Variants in PRKCE observed in about 807,000 individuals in gnomAD.
PRKCE encodes the protein protein kinase C epsilon.
In PRKCE, 16 loss-of-function variants were observed where a neutral mutation model predicts 85.4. That is an observed-to-expected ratio of 0.19 (90% CI 0.13 to 0.28). The LOEUF (loss-of-function observed/expected upper bound fraction) is 0.28. PRKCE is among the 10% of genes least tolerant of loss of function. The pLI is 1.00. For missense variants in PRKCE, 573 were observed against 975.2 expected (o/e 0.59, Z 5.49); for synonymous variants, 388 against 371.5 (o/e 1.04, Z -0.51).
At chr2:46,000,096 G>A (rs907636469) in intron 6 of PRKCE, among the ~76,000 whole-genome samples, 12 of 151,412 alleles carry the variant, frequency 7.9e-5, no homozygotes, top group Non-Finnish European at 1.6e-4. Flanking sequence ...CTATATCTGA[G>A]TCTAGTTCTG....
intron 2 of PRKCE, among the ~76,000 whole-genome samples, chr2:45,860,685 A>C (rs1693085643): frequency 6.6e-6 from 1 of 152,144 alleles, no homozygotes; most frequent in African/African-American, 2.4e-5. Context: ...GGACAGCAGA[A>C]GATGTTCACC....
chr2:46,182,007 C>T (rs3754559), intron 14 of PRKCE, among the ~76,000 whole-genome samples: 2,772 of 152,260 alleles, frequency 0.018, 42 homozygotes, highest in East Asian at 0.078. Context: ...TCCTTAGTGA[C>T]GTTACAAATG....
intron 14 of PRKCE, among the ~76,000 whole-genome samples, chr2:46,164,512 A>G (rs1239826414): frequency 6.6e-6 from 1 of 152,276 alleles, no homozygotes; most frequent in African/African-American, 2.4e-5. Context: ...TTGGCATCAT[A>G]CTAGAATGAC....
chr2:45,658,348 G>GT (rs767501671), intron 1 of PRKCE, among the ~76,000 whole-genome samples: 10 of 152,218 alleles, frequency 6.6e-5, no homozygotes, highest in Non-Finnish European at 1.5e-4. Flanking sequence ...GGTCCCTAGA[G>GT]TTAAGGACCT....
At chr2:45,912,235 T>A (rs553993968) in intron 2 of PRKCE, among the ~76,000 whole-genome samples, 2 of 152,158 alleles carry the variant, frequency 1.3e-5, no homozygotes, top group Admixed American at 1.3e-4. Context: ...AGGGAAGGTG[T>A]TATCCCGTGA....
chr2:45,789,271 T>C (rs983173400), intron 1 of PRKCE, among the ~76,000 whole-genome samples: 1 of 152,166 alleles, frequency 6.6e-6, no homozygotes, highest in African/African-American at 2.4e-5. Flanking sequence ...TGTATAATAA[T>C]GTGATAACTC....
At chr2:46,108,458 A>G (rs1671952661) in intron 11 of PRKCE, among the ~76,000 whole-genome samples, 1 of 152,304 alleles carries the variant, frequency 6.6e-6, no homozygotes, top group South Asian at 2.1e-4. Context: ...TAAATAAACT[A>G]TGCATGCACA....
chr2:46,014,821 C>G (rs1422599169), intron 10 of PRKCE, among the ~76,000 whole-genome samples: 2 of 152,184 alleles, frequency 1.3e-5, no homozygotes, highest in African/African-American at 4.8e-5. Context: ...GCATGGGTGG[C>G]ATTTGCAAGA....
At chr2:46,020,802 C>T (rs1461561377) in intron 10 of PRKCE, among the ~76,000 whole-genome samples, 3 of 152,156 alleles carry the variant, frequency 2.0e-5, no homozygotes, top group African/African-American at 4.8e-5. Context: ...GCACAGCAAA[C>T]AGTAACTTAG....
intron 11 of PRKCE, among the ~76,000 whole-genome samples, chr2:46,129,667 C>T (rs879696257): frequency 3.3e-5 from 5 of 152,206 alleles, no homozygotes; most frequent in African/African-American, 4.8e-5. Context: ...ATTCTTCCAT[C>T]GGGCACTCCA....
At chr2:45,828,201 C>T (rs954984684) in intron 1 of PRKCE, among the ~76,000 whole-genome samples, 1 of 152,210 alleles carries the variant, frequency 6.6e-6, no homozygotes, top group African/African-American at 2.4e-5. Flanking sequence ...AGTGGAGGAA[C>T]ACCATCATAT....
Position 45,843,132 on chromosome 2 carries a change from C to T in PRKCE, c.412+69C>T, listed in dbSNP as rs565923349. The T allele has an allele frequency of 5.1e-6, 7 of 1,360,344 alleles. No homozygotes were observed. The South Asian group carries it at 7.0e-5, about 14-fold the overall frequency. 84.3% of individuals were successfully genotyped at this position (1,360,344 alleles called of 1,614,324 possible). On this transcript the variant is annotated intron_variant, in intron 2 of 14. Transcript: ENST00000306156. ...CTTTGCCTTCTGGGTCTCTTCTTTC[C>T]CCCCCTTGGCCGGAACACATTATAG...
intron 10 of PRKCE, among the ~76,000 whole-genome samples, chr2:46,027,398 C>T (rs1707195537): frequency 6.6e-6 from 1 of 151,952 alleles, no homozygotes; most frequent in Non-Finnish European, 1.5e-5. Flanking sequence ...CAAATAGGGA[C>T]TGAATGAGGA....
At chr2:46,119,063 C>T (rs753110713) in intron 11 of PRKCE, among the ~76,000 whole-genome samples, 4 of 152,086 alleles carry the variant, frequency 2.6e-5, no homozygotes, top group Non-Finnish European at 5.9e-5. Context: ...CTCCTTGGAA[C>T]CATGGAGTCA....
rs1680364569 is a variant in PRKCE at position 46,185,153 on chromosome 2, C to G, written c.*272C>G. 2 of 383,578 alleles carry G rather than the reference C, an allele frequency of 5.2e-6. No individual in the cohort carries two copies. Among genetic ancestry groups the G allele is most frequent in the African/African-American group, 4.1e-5 (2 of 48,218 alleles). The allele number at this position is 383,578 out of a possible 1,614,324, so 23.8% of individuals were successfully genotyped here. A position where few individuals can be genotyped will look rare whatever the true frequency, so the allele number is the denominator to read the frequency against. On this transcript the variant is annotated 3_prime_UTR_variant, in exon 15 of 15. Transcript: ENST00000306156. This position sits in a 1 kb window ranked among gnomAD's most constrained non-coding sequence, Gnocchi z 4.7. ...TACACTGCCGTGTTTGGACCATTGG[C>G]AAGCCTGGTTCCACTCCTCAGGGGC...
At chr2:45,915,618 T>A (rs1271979028) in intron 2 of PRKCE, among the ~76,000 whole-genome samples, 1 of 152,210 alleles carries the variant, frequency 6.6e-6, no homozygotes, top group African/African-American at 2.4e-5. Context: ...AGATGTAGAT[T>A]TTCAAGTATC....
At chr2:46,127,215 A>G (rs1320871715) in intron 11 of PRKCE, among the ~76,000 whole-genome samples, 7 of 152,220 alleles carry the variant, frequency 4.6e-5, no homozygotes, top group Admixed American at 2.0e-4. Context: ...TTTATCATTG[A>G]TATTTTCTTC....
intron 2 of PRKCE, among the ~76,000 whole-genome samples, chr2:45,960,572 G>A (rs1170036545): frequency 6.6e-6 from 1 of 152,156 alleles, no homozygotes; most frequent in Non-Finnish European, 1.5e-5. Context: ...ATCTAATGCT[G>A]CTGCTGGTCT....
intron 1 of PRKCE, among the ~76,000 whole-genome samples, chr2:45,766,841 A>G (rs2104875635): frequency 6.6e-6 from 1 of 152,276 alleles, no homozygotes; most frequent in South Asian, 2.1e-4. Flanking sequence ...GGGGTTCGAG[A>G]CCAGCCTGGG....
Sources: allele counts gnomAD v4.1 joint callset (sites outside exome capture counted in the v4.1 genomes callset), GRCh38; gene constraint gnomAD v4.1.1; non-coding constraint Gnocchi (gnomAD v3.1); transcripts MANE v1.5; gene names NCBI Gene and HGNC (gene_info 2026-07-23, HGNC 2026-07-21).